The following PTPRD variants were observed in gnomAD, a reference collection of about 807,000 sequenced individuals.
The protein encoded by PTPRD is protein tyrosine phosphatase receptor type D.
Under a neutral mutation model 214.5 loss-of-function variants are expected in PTPRD, and 34 were observed. The ratio of observed to expected loss-of-function variants is 0.16; its 90% CI spans 0.12 to 0.21. PTPRD has a LOEUF of 0.21. PTPRD is among the 10% of genes least tolerant of loss of function. The probability of loss-of-function intolerance (pLI) is 1.00; values close to 1 mark genes in which losing one functional copy is unlikely to be tolerated. For missense variants in PTPRD, 2,545 were observed against 2,398.7 expected (o/e 1.06, Z -1.27); for synonymous variants, 1,128 against 845.7 (o/e 1.33, Z -5.79).
At chr9:10,105,702 T>C (rs897920644) in intron 3 of PTPRD, among the ~76,000 whole-genome samples, 4 of 151,842 alleles carry the variant, frequency 2.6e-5, no homozygotes, top group Non-Finnish European at 5.9e-5. Flanking sequence ...ATTACTAACA[T>C]GCTACTTGTG....
intron 5 of PTPRD, among the ~76,000 whole-genome samples, chr9:9,931,535 G>T (rs549123181): frequency 3.9e-5 from 6 of 152,126 alleles, no homozygotes; most frequent in Admixed American, 3.9e-4. Context: ...AAAAAACAGT[G>T]CACCAGGAGA....
intron 39 of PTPRD, among the ~76,000 whole-genome samples, chr9:8,354,261 G>A (rs747923165): frequency 6.7e-4 from 102 of 151,552 alleles, no homozygotes; most frequent in Middle Eastern, 3.4e-3. Flanking sequence ...ATGTAAAATG[G>A]GATTCACTTC....
chr9:9,326,429 C>G (rs1211914768), intron 9 of PTPRD, among the ~76,000 whole-genome samples: 1 of 151,876 alleles, frequency 6.6e-6, no homozygotes, highest in Non-Finnish European at 1.5e-5. Context: ...ATAACTCTAC[C>G]TTTATGCTCG....
chr9:9,103,571 T>G (rs956634738), intron 10 of PTPRD, among the ~76,000 whole-genome samples: 6 of 152,116 alleles, frequency 3.9e-5, no homozygotes, highest in Admixed American at 6.5e-5. Context: ...AGAAAAAAAT[T>G]TAGCATATCC....
chr9:10,099,763 C>T (rs2098532854), intron 3 of PTPRD, among the ~76,000 whole-genome samples: 1 of 151,190 alleles, frequency 6.6e-6, no homozygotes, highest in African/African-American at 2.4e-5. Flanking sequence ...GTGGAGCAAA[C>T]TTATCTTAAA....
At chr9:9,862,061 A>T (rs2062895485) in intron 5 of PTPRD, among the ~76,000 whole-genome samples, 1 of 152,198 alleles carries the variant, frequency 6.6e-6, no homozygotes. Flanking sequence ...AAAAGATAAG[A>T]TTATGTGCTA....
At chr9:8,553,439 G>C (rs1033461484) in intron 14 of PTPRD, among the ~76,000 whole-genome samples, 1 of 152,184 alleles carries the variant, frequency 6.6e-6, no homozygotes, top group Admixed American at 6.5e-5. Context: ...CTTCTGATAA[G>C]TTGAAGTAGT....
intron 5 of PTPRD, among the ~76,000 whole-genome samples, chr9:9,776,660 C>G (rs1377890803): frequency 6.6e-6 from 1 of 152,194 alleles, no homozygotes; most frequent in African/African-American, 2.4e-5. Context: ...GCTAGTTTAA[C>G]AACCTAATCA....
chr9:10,578,123 TGGTC>T (rs1374652614), intron 2 of PTPRD, among the ~76,000 whole-genome samples: 2 of 152,046 alleles, frequency 1.3e-5, no homozygotes, highest in East Asian at 3.9e-4. Flanking sequence ...TTGGTTAGGT[TGGTC>T]TCAAACTCCT....
intron 11 of PTPRD, among the ~76,000 whole-genome samples, chr9:8,788,280 T>TGC: frequency 1.7e-5 from 2 of 115,340 alleles, no homozygotes; most frequent in African/African-American, 3.7e-5. Context: ...TTTTTTTTTG[T>TGC]GTGTGTGTGT....
Position 8,325,956 on chromosome 9 carries a change from AAGG to A in PTPRD, c.5534+5623_5534+5625del, listed in dbSNP as rs1440527839. ...CTTTCCTGAAGTTGCTTATCAGCTT[AAGG>A]AGATTTTGGGATGAGATGATGGGGT... On this transcript the variant is annotated intron_variant, in intron 44 of 45. Coordinates refer to ENST00000381196, the MANE Select transcript of PTPRD (RefSeq NM_002839.4). Among the ~76,000 whole-genome samples, 63 of 151,664 alleles carry A rather than the reference AAGG, an allele frequency of 4.2e-4. No homozygotes were observed. In the South Asian group the frequency reaches 0.013, roughly 31 times the overall value.
chr9:10,016,217 G>A (rs1207270092), intron 4 of PTPRD, among the ~76,000 whole-genome samples: 1 of 152,102 alleles, frequency 6.6e-6, no homozygotes, highest in Non-Finnish European at 1.5e-5. Context: ...AAAAATGCTT[G>A]TTTTTAAAAA....
intron 7 of PTPRD, among the ~76,000 whole-genome samples, chr9:9,694,019 C>G (rs181083298): frequency 9.5e-4 from 145 of 152,268 alleles, no homozygotes; most frequent in Middle Eastern, 3.4e-3. Flanking sequence ...TCTTGAATTT[C>G]TTTGAGTTTC....
intron 12 of PTPRD, among the ~76,000 whole-genome samples, chr9:8,660,754 GAAGT>G (rs2097026084): frequency 6.6e-6 from 1 of 152,098 alleles, no homozygotes; most frequent in Non-Finnish European, 1.5e-5. Flanking sequence ...AAACCTCAAA[GAAGT>G]AAGGTTTTAT....
chr9:9,736,291 A>G (rs1173502549), intron 6 of PTPRD, among the ~76,000 whole-genome samples: 2 of 152,004 alleles, frequency 1.3e-5, no homozygotes, highest in Admixed American at 6.6e-5. Flanking sequence ...CATGTACTAC[A>G]TCTCTCTCTC....
intron 3 of PTPRD, among the ~76,000 whole-genome samples, chr9:10,081,723 T>C (rs776324383): frequency 2.6e-5 from 4 of 152,122 alleles, no homozygotes; most frequent in Non-Finnish European, 4.4e-5. Context: ...GGGGTGTTAT[T>C]ATATTTTTGA....
chr9:9,192,756 G>A (rs1206838556), intron 9 of PTPRD, among the ~76,000 whole-genome samples: 1 of 152,000 alleles, frequency 6.6e-6, no homozygotes, highest in Non-Finnish European at 1.5e-5. Flanking sequence ...ACAGATTTGG[G>A]AAAACTAATT....
chr9:8,809,551 T>C (rs1007199326), intron 11 of PTPRD, among the ~76,000 whole-genome samples: 3 of 152,186 alleles, frequency 2.0e-5, no homozygotes, highest in African/African-American at 7.2e-5. Flanking sequence ...CTGACTATTT[T>C]CCACTTCTTA....
At chr9:9,145,773 G>A (rs1003519173) in intron 10 of PTPRD, among the ~76,000 whole-genome samples, 2 of 152,172 alleles carry the variant, frequency 1.3e-5, no homozygotes, top group Non-Finnish European at 2.9e-5. Flanking sequence ...TGGGACTATG[G>A]CCATATACTT....
Sources: allele counts gnomAD v4.1 joint callset (sites outside exome capture counted in the v4.1 genomes callset), GRCh38; gene constraint gnomAD v4.1.1; transcripts MANE v1.5; gene names NCBI Gene and HGNC (gene_info 2026-07-23, HGNC 2026-07-21).